The following DRC10 variants were observed in gnomAD, a reference collection of about 807,000 sequenced individuals.
DRC10 encodes IQ domain-containing protein D.
chr12:113,199,065 G>A, the DRC10 span, among the ~76,000 whole-genome samples: 1 of 152,102 alleles, frequency 6.6e-6, no homozygotes, highest in South Asian at 2.1e-4. Flanking sequence ...AGCCTCCCAA[G>A]TAGCTGGGAT....
At chr12:113,219,931 C>T in the DRC10 span, among the ~76,000 whole-genome samples, 2 of 152,178 alleles carry the variant, frequency 1.3e-5, no homozygotes, top group African/African-American at 4.8e-5. Flanking sequence ...GCTCAGCCTC[C>T]TGAGTAGCTG....
At chr12:113,208,281 G>T in the DRC10 span, 4 of 1,462,760 alleles carry the variant, frequency 2.7e-6, no homozygotes, top group African/African-American at 5.7e-5. Flanking sequence ...AGAAGTAGGT[G>T]TGAGTGCAGC....
chr12:113,204,268 G>T, the DRC10 span, among the ~76,000 whole-genome samples: 3 of 152,218 alleles, frequency 2.0e-5, no homozygotes, highest in Non-Finnish European at 4.4e-5. Context: ...CAAATTCCTT[G>T]ATTAGGCCTC....
chr12:113,207,044 A>T, the DRC10 span: 2 of 351,694 alleles, frequency 5.7e-6, no homozygotes, highest in Non-Finnish European at 1.1e-5. Context: ...TGGGCAACAG[A>T]GTGAGACCCT....
At chr12:113,217,305 AG>A in the DRC10 span, among the ~76,000 whole-genome samples, 1 of 151,930 alleles carries the variant, frequency 6.6e-6, no homozygotes, top group South Asian at 2.1e-4. Context: ...TTTCCTGCAT[AG>A]TACTAATCAC....
At chr12:113,206,498 T>C in the DRC10 span, among the ~76,000 whole-genome samples, 15 of 152,116 alleles carry the variant, frequency 9.9e-5, no homozygotes, top group Non-Finnish European at 1.8e-4. Flanking sequence ...CAATGGAAAC[T>C]GGACACAGCA....
At chr12:113,207,919 A>G in the DRC10 span, 15 of 1,614,126 alleles carry the variant, frequency 9.3e-6, no homozygotes, top group Non-Finnish European at 1.3e-5. Flanking sequence ...GTCCTCCCCC[A>G]GCATCCCCTC....
chr12:113,209,858 G>A, the DRC10 span, among the ~76,000 whole-genome samples: 1 of 152,258 alleles, frequency 6.6e-6, no homozygotes, highest in Non-Finnish European at 1.5e-5. Flanking sequence ...AGGCATGGTA[G>A]CTCACACCTG....
chr12:113,205,823 A>G, the DRC10 span, among the ~76,000 whole-genome samples: 1 of 139,062 alleles, frequency 7.2e-6, no homozygotes, highest in Non-Finnish European at 1.5e-5. Flanking sequence ...CGGGAAGCGG[A>G]GCTTGCAGTG....
At chr12:113,207,746 G>A in the DRC10 span, 1 of 1,614,172 alleles carries the variant, frequency 6.2e-7, no homozygotes, top group Non-Finnish European at 8.5e-7. Context: ...AGTGGTGAGA[G>A]GCTGGATTTC....
the DRC10 span, among the ~76,000 whole-genome samples, chr12:113,219,999 G>T: frequency 3.2e-4 from 49 of 152,124 alleles, no homozygotes; most frequent in Non-Finnish European, 5.3e-4. Flanking sequence ...GTAGAGACAG[G>T]GTTTCACCAT....
chr12:113,202,120 C>T, the DRC10 span, among the ~76,000 whole-genome samples: 1 of 152,206 alleles, frequency 6.6e-6, no homozygotes, highest in Non-Finnish European at 1.5e-5. Context: ...CTAGTAACCT[C>T]CCTGCCCGAG....
the DRC10 span, among the ~76,000 whole-genome samples, chr12:113,204,789 C>T: frequency 3.9e-5 from 6 of 152,084 alleles, no homozygotes; most frequent in African/African-American, 1.4e-4. Flanking sequence ...ATTAGCCAGG[C>T]GTGGTGGCAC....
chr12:113,217,622 C>G, the DRC10 span, among the ~76,000 whole-genome samples: 4 of 152,216 alleles, frequency 2.6e-5, no homozygotes, highest in South Asian at 2.1e-4. Context: ...ACCTCCACCC[C>G]CCTGGTTCAA....
At chr12:113,219,139 G>A in the DRC10 span, among the ~76,000 whole-genome samples, 1 of 151,834 alleles carries the variant, frequency 6.6e-6, no homozygotes, top group African/African-American at 2.4e-5. Context: ...GGGTTCAGGT[G>A]ATTCTCCTGC....
chr12:113,208,013 T>A, the DRC10 span: 3 of 1,614,132 alleles, frequency 1.9e-6, no homozygotes, highest in Non-Finnish European at 2.5e-6. Context: ...ATGGACATGA[T>A]CCTTTTGGCC....
the DRC10 span, among the ~76,000 whole-genome samples, chr12:113,199,071 G>A: frequency 6.6e-6 from 1 of 152,098 alleles, no homozygotes; most frequent in Middle Eastern, 3.2e-3. Flanking sequence ...CCAAGTAGCT[G>A]GGATTACAGG....
chr12:113,195,729 C>A, the DRC10 span: 1 of 1,613,918 alleles, frequency 6.2e-7, no homozygotes, highest in Non-Finnish European at 8.5e-7. Flanking sequence ...CCGTACCATG[C>A]GCACCATCTC....
chr12:113,195,451 C>T, the DRC10 span: 3 of 1,409,102 alleles, frequency 2.1e-6, no homozygotes, highest in Non-Finnish European at 2.8e-6. Context: ...TTCAATGTGG[C>T]TTCAAATACT....
Sources: allele counts gnomAD v4.1 joint callset (sites outside exome capture counted in the v4.1 genomes callset), GRCh38; gene constraint gnomAD v4.1.1; transcripts MANE v1.5; gene names NCBI Gene and HGNC (gene_info 2026-07-23, HGNC 2026-07-21).